The following MYOF variants were observed in gnomAD, a reference collection of about 807,000 sequenced individuals.
MYOF encodes myoferlin, also known as fer-1-like 3, myoferlin.
Under a neutral mutation model 284.2 loss-of-function variants are expected in MYOF, and 244 were observed. That is an observed-to-expected ratio of 0.86 (90% CI 0.77 to 0.95). The LOEUF (loss-of-function observed/expected upper bound fraction) is 0.95. Among genes scored for constraint, MYOF ranks in the 40% least tolerant of loss-of-function variants. The pLI is 0.00. For missense variants in MYOF, 2,496 were observed against 2,560.6 expected, an observed-to-expected ratio of 0.97 and a Z score of 0.54; for synonymous variants, 904 against 919.7, an observed-to-expected ratio of 0.98 and a Z score of 0.31.
chr10:93,384,986 AGGT>A (rs113548814), intron 19 of MYOF, among the ~76,000 whole-genome samples: 30 of 152,332 alleles, frequency 2.0e-4, no homozygotes, highest in African/African-American at 6.3e-4. Flanking sequence ...AAGAACCTGA[AGGT>A]GCTGTTTCTA....
intron 4 of MYOF, among the ~76,000 whole-genome samples, chr10:93,430,246 T>C (rs1382283934): frequency 6.6e-6 from 1 of 151,686 alleles, no homozygotes; most frequent in African/African-American, 2.4e-5. Context: ...ATGTACTTAT[T>C]GAGAGAGGCT....
intron 23 of MYOF, among the ~76,000 whole-genome samples, chr10:93,374,035 C>T (rs10399994): frequency 0.077 from 11,662 of 152,180 alleles, 1,403 homozygotes; most frequent in African/African-American, 0.26. Context: ...TGACAGGCCC[C>T]GGTGTGTGAT....
At chr10:93,324,967 A>C (rs1842981000) in intron 46 of MYOF, among the ~76,000 whole-genome samples, 1 of 151,988 alleles carries the variant, frequency 6.6e-6, no homozygotes, top group Non-Finnish European at 1.5e-5. Context: ...TTTAGTAGAG[A>C]CAGGGTTTCA....
rs1847174587 is a variant in MYOF at position 93,399,492 on chromosome 10, T to C, written c.1121A>G (p.Asp374Gly). The C allele has an allele frequency of 2.5e-6, 4 of 1,607,586 alleles. No homozygotes were observed. Among genetic ancestry groups the C allele is most frequent in the Admixed American group, 1.7e-5 (1 of 59,412 alleles). Residue 374 changes from aspartate to glycine, a missense_variant, in exon 13 of 54, where the codon GAT (aspartate) becomes GGT (glycine). Physicochemically the swap from Asp to Gly is moderately conservative, Grantham distance 94 (BLOSUM62 -1). Coordinates refer to ENST00000359263, the MANE Select transcript of MYOF (RefSeq NM_013451.4). ...CTTTACTGTCTGTGAGAAGGCATCA[T>C]CCACTGGAAGGTAATAGTTATACAG... ...IYRAEDIPQM[D>G]DAFSQTVKEI...
intron 5 of MYOF, chr10:93,425,639 G>C (rs1409651107): frequency 5.8e-6 from 1 of 172,102 alleles, no homozygotes; most frequent in East Asian, 1.7e-4. Flanking sequence ...CCAGTCGAAA[G>C]CCATGCCCAT....
At chr10:93,373,170 C>T in intron 23 of MYOF, 85 bp from the exon 24 acceptor site, 2 of 1,489,306 alleles carry the variant, frequency 1.3e-6, no homozygotes, top group Non-Finnish European at 9.3e-7. Flanking sequence ...AGGCTGGACC[C>T]TCAGGGATTC....
chr10:93,463,843 T>TGAA (rs1183123840), intron 1 of MYOF, among the ~76,000 whole-genome samples: 7 of 125,652 alleles, frequency 5.6e-5, no homozygotes, highest in Non-Finnish European at 9.4e-5. Flanking sequence ...TCATCCTGGG[T>TGAA]GTTAGAGCAA....
intron 53 of MYOF, among the ~76,000 whole-genome samples, 195 bp from the exon 54 acceptor site, chr10:93,307,196 G>C (rs7894941): frequency 0.59 from 62,693 of 106,910 alleles, 14,509 homozygotes; most frequent in East Asian, 0.98. Flanking sequence ...GCACCCCCCC[G>C]CCAAGTTGTT....
chr10:93,409,749 C>A lies in MYOF; in HGVS notation c.434-10G>T. The A allele has an allele frequency of 7.4e-6, 12 of 1,613,986 alleles. No individual in the cohort carries two copies. Among genetic ancestry groups the A allele is most frequent in the Non-Finnish European group, 1.0e-5 (12 of 1,180,010 alleles). On this transcript the variant is annotated splice_polypyrimidine_tract_variant and intron_variant, in intron 5 of 53. Coordinates refer to ENST00000359263, the MANE Select transcript of MYOF (RefSeq NM_013451.4). ...TCTTCTTCCCCATCTCCTAAAATAT[C>A]AGAAAGAAACCCAGTGAGGGATAGC... is the stretch of plus-strand genomic sequence containing the variant.
intron 48 of MYOF, among the ~76,000 whole-genome samples, chr10:93,321,533 A>G (rs775521298): frequency 5.6e-4 from 84 of 150,880 alleles, no homozygotes; most frequent in African/African-American, 2.0e-3. Flanking sequence ...CTGAGACTGC[A>G]GGCGTAAGCC....
rs747312386 is a variant in MYOF at position 93,402,922 on chromosome 10, T to C, written c.844-32A>G. ...AAACAATAATCGAAAGTAGTCTAAG[T>C]AGATTTTAAAATCAGTCTAGTCACT... On this transcript the variant is annotated intron_variant, in intron 9 of 53. Coordinates refer to ENST00000359263, the MANE Select transcript of MYOF (RefSeq NM_013451.4). 4.9e-5 allele frequency: 78 copies of C among 1,582,144 alleles called. No homozygotes were observed. The East Asian group carries it at 1.6e-3, about 32-fold the overall frequency.
In MYOF at chr10:93,377,348, T is replaced by C; in HGVS notation, c.2083A>G (p.Ile695Val). Residue 695 changes from isoleucine to valine, a missense_variant, in exon 22 of 54, where the codon ATA becomes GTA. Physicochemically the swap from Ile to Val is conservative, Grantham distance 29. Transcript: ENST00000359263. ...CTCGTGTCTTCTATAACTTCATCTATCAGCTTCAGCCACAATTCAGCCAGC... is the reference window on the plus strand; with the variant it reads ...CTCGTGTCTTCTATAACTTCATCTACCAGCTTCAGCCACAATTCAGCCAGC... ...NQLAELWLKL[I>V]DEVIEDTRYT... The C allele has an allele frequency of 6.2e-7, 1 of 1,614,042 alleles. No homozygotes were observed. The highest frequency in any genetic ancestry group is 8.5e-7 in the Non-Finnish European group (1 of 1,179,910).
At chr10:93,355,936 C>G in intron 30 of MYOF, among the ~76,000 whole-genome samples, 200 bp from the exon 31 acceptor site, 1 of 152,222 alleles carries the variant, frequency 6.6e-6, no homozygotes, top group Middle Eastern at 3.4e-3. Flanking sequence ...GGAAAGCAGC[C>G]GAGCAGGAAG....
At chr10:93,476,903 T>C (rs189027905) in intron 1 of MYOF, among the ~76,000 whole-genome samples, 105 of 152,226 alleles carry the variant, frequency 6.9e-4, no homozygotes, top group African/African-American at 2.5e-3. Flanking sequence ...GCAGTAGCCA[T>C]TCCACAAGGA....
intron 3 of MYOF, among the ~76,000 whole-genome samples, chr10:93,433,240 C>T (rs1848953267): frequency 1.3e-5 from 2 of 152,190 alleles, no homozygotes; most frequent in Non-Finnish European, 1.5e-5. Context: ...TCACCACAAC[C>T]TCCGCCTCCC....
intron 11 of MYOF, among the ~76,000 whole-genome samples, chr10:93,401,800 T>C (rs940205332): frequency 5.9e-5 from 4 of 67,354 alleles, no homozygotes; most frequent in East Asian, 2.3e-4. Context: ...TGCGTGTGTG[T>C]GTGTGTGTGT....
intron 18 of MYOF, among the ~76,000 whole-genome samples, chr10:93,388,585 G>T (rs890051296): frequency 1.3e-5 from 2 of 152,172 alleles, no homozygotes; most frequent in Admixed American, 6.5e-5. Flanking sequence ...CTTGAGCCTT[G>T]GGAGATAACC....
chr10:93,346,567 T>TA (rs1844192425), intron 37 of MYOF, among the ~76,000 whole-genome samples: 2 of 152,260 alleles, frequency 1.3e-5, no homozygotes, highest in African/African-American at 4.8e-5. Context: ...GCTGTATCAC[T>TA]AGCTATTATT....
intron 37 of MYOF, among the ~76,000 whole-genome samples, chr10:93,344,756 G>GGGAAA (rs1344391941): frequency 1.3e-5 from 2 of 148,872 alleles, no homozygotes; most frequent in Non-Finnish European, 3.0e-5. Context: ...AAAAAAAGAA[G>GGGAAA]GGAAAGGAAA....
Sources: allele counts gnomAD v4.1 joint callset (sites outside exome capture counted in the v4.1 genomes callset), GRCh38; gene constraint gnomAD v4.1.1; transcripts MANE v1.5; gene names NCBI Gene and HGNC (gene_info 2026-07-23, HGNC 2026-07-21).